The following PKP4 variants were observed in gnomAD, a reference collection of about 807,000 sequenced individuals.
PKP4 encodes the protein plakophilin-4.
Under a neutral mutation model 145.1 loss-of-function variants are expected in PKP4, and 90 were observed. That is an observed-to-expected ratio of 0.62 (90% CI 0.52 to 0.74). PKP4 has a LOEUF of 0.74. PKP4 is among the 30% of genes least tolerant of loss of function. The pLI, the probability that PKP4 is intolerant of heterozygous loss-of-function variation, is 0.00. For synonymous variants in PKP4, 563 were observed against 577.2 expected, an observed-to-expected ratio of 0.98 and a Z score of 0.35; for missense variants, 1,340 against 1,482.7, an observed-to-expected ratio of 0.90 and a Z score of 1.58.
In PKP4 at chr2:158,625,077, CTG is replaced by C; in HGVS notation, c.804_805del (p.Ala269ThrfsTer91). On this transcript the variant is annotated frameshift_variant, in exon 7 of 22. Transcript: ENST00000389759. LOFTEE classifies it high-confidence loss of function. ...GCATATTCCTCCACCACATTACCTGCTGCACGGGCAGCCTCTCCGTACTCACA... is the reference window on the plus strand; with the variant it reads ...GCATATTCCTCCACCACATTACCTGCCACGGGCAGCCTCTCCGTACTCACA... 6.2e-7 allele frequency: 1 copy of C among 1,614,188 alleles called. No homozygotes were observed. The highest frequency in any genetic ancestry group is 8.5e-7 in the Non-Finnish European group (1 of 1,180,026).
chr2:158,663,080 G>C lies in PKP4; in HGVS notation c.2395G>C (p.Glu799Gln), dbSNP rs1218332037. ...GAAAAAGAAAAAGAGGACTCCGCAAGAAGATCAAGTTAGCATTTTATTTTA... is the reference window on the plus strand; with the variant it reads ...GAAAAAGAAAAAGAGGACTCCGCAACAAGATCAAGTTAGCATTTTATTTTA... The part of the protein sequence containing the change: ...KKKKKKRTPQ[E>Q]DQWDGVGPIP... Residue 799 changes from glutamate (E) to glutamine (Q), a missense_variant, in exon 14 of 22, where the codon GAA becomes CAA. Coordinates refer to ENST00000389759, the MANE Select transcript of PKP4 (RefSeq NM_003628.6). 6.2e-7 allele frequency: 1 copy of C among 1,604,524 alleles called. No homozygotes were observed. Among genetic ancestry groups the C allele is most frequent in the Non-Finnish European group, 8.5e-7 (1 of 1,176,078 alleles).
At chr2:158,529,778 C>A (rs1332080345) in intron 1 of PKP4, among the ~76,000 whole-genome samples, 1 of 152,080 alleles carries the variant, frequency 6.6e-6, no homozygotes, top group Non-Finnish European at 1.5e-5. Context: ...GTATTTATTC[C>A]CGTTGTTTTT....
At chr2:158,613,624 C>T (rs2051329109) in intron 4 of PKP4, among the ~76,000 whole-genome samples, 1 of 152,158 alleles carries the variant, frequency 6.6e-6, no homozygotes, top group South Asian at 2.1e-4. Flanking sequence ...TTGCATTGTA[C>T]AACCAAGGCT....
At chr2:158,609,895 C>A (rs2050982204) in intron 4 of PKP4, among the ~76,000 whole-genome samples, 1 of 152,102 alleles carries the variant, frequency 6.6e-6, no homozygotes, top group Admixed American at 6.6e-5. Flanking sequence ...AAACAAAAAG[C>A]CCAAGTTTCT....
intron 2 of PKP4, among the ~76,000 whole-genome samples, chr2:158,551,878 A>G (rs1451340706): frequency 1.3e-5 from 2 of 152,238 alleles, no homozygotes; most frequent in East Asian, 3.8e-4. Flanking sequence ...ACTTTTTTAT[A>G]GACAGGATAG....
chr2:158,485,914 G>A (rs990213556), intron 1 of PKP4, among the ~76,000 whole-genome samples: 2 of 152,140 alleles, frequency 1.3e-5, no homozygotes, highest in East Asian at 3.8e-4. Flanking sequence ...TATGTTTACA[G>A]TAAATTGTTA....
Position 158,663,298 on chromosome 2 carries a change from AC to A in PKP4, c.2431del (p.Leu811CysfsTer17), listed in dbSNP as rs1444726596. 6.2e-7 allele frequency: 1 copy of A among 1,613,780 alleles called. No individual in the cohort carries two copies. The highest frequency in any genetic ancestry group is 8.5e-7 in the Non-Finnish European group (1 of 1,179,968). ...GGGATGGAGTTGGTCCTATCCCAGG[AC>A]TGTCGAAGTCCCCCAAAGGGGTTGA... ...QWDGVGPIPG[L>X]SKSPKGVEML... is the part of the protein sequence containing the mutation. On this transcript the variant is annotated frameshift_variant, in exon 15 of 22. Coordinates refer to ENST00000389759, the MANE Select transcript of PKP4 (RefSeq NM_003628.6). LOFTEE classifies it high-confidence loss of function.
chr2:158,520,660 C>T (rs890585115), intron 1 of PKP4, among the ~76,000 whole-genome samples: 1 of 152,194 alleles, frequency 6.6e-6, no homozygotes, highest in Non-Finnish European at 1.5e-5. Flanking sequence ...CCGCCCATGT[C>T]GGGCTAGCAC....
chr2:158,591,380 A>G (rs1379957377), intron 3 of PKP4, among the ~76,000 whole-genome samples: 1 of 152,084 alleles, frequency 6.6e-6, no homozygotes, highest in East Asian at 1.9e-4. Flanking sequence ...CATTTCAAGT[A>G]TTTATTACTG....
intron 2 of PKP4, among the ~76,000 whole-genome samples, chr2:158,540,214 G>A (rs1367793779): frequency 2.0e-5 from 3 of 152,032 alleles, no homozygotes; most frequent in Admixed American, 1.3e-4. Flanking sequence ...TGATTTCATC[G>A]GAAGCATCAT....
At chr2:158,457,516 A>G (rs181014641) in intron 1 of PKP4, 1 of 152,180 alleles carries the variant, frequency 6.6e-6, no homozygotes, top group Non-Finnish European at 1.5e-5. Context: ...ACCTCTGCCC[A>G]CGCTGGGCTG....
intron 1 of PKP4, among the ~76,000 whole-genome samples, chr2:158,466,645 C>T (rs959246276): frequency 6.6e-6 from 1 of 152,156 alleles, no homozygotes; most frequent in African/African-American, 2.4e-5. Context: ...GCAGAGGTTG[C>T]AGTGGGCAGA....
At chr2:158,479,198 A>G (rs1692963338) in intron 1 of PKP4, among the ~76,000 whole-genome samples, 2 of 151,982 alleles carry the variant, frequency 1.3e-5, no homozygotes, top group Non-Finnish European at 1.5e-5. Context: ...TAAATTCAGC[A>G]TTTAATTTTT....
At chr2:158,541,225 G>C (rs529175021) in intron 2 of PKP4, among the ~76,000 whole-genome samples, 2 of 151,932 alleles carry the variant, frequency 1.3e-5, no homozygotes, top group Non-Finnish European at 2.9e-5. Context: ...CATGTTTAAG[G>C]GCTCCCAATT....
intron 16 of PKP4, among the ~76,000 whole-genome samples, chr2:158,668,678 C>T (rs1389743702): frequency 1.3e-5 from 2 of 152,252 alleles, no homozygotes; most frequent in Non-Finnish European, 1.5e-5. Flanking sequence ...CCACATTTAT[C>T]TTGTGGCCTT....
intron 21 of PKP4, 111 bp downstream of exon 21, chr2:158,678,765 T>G: frequency 1.3e-6 from 1 of 769,710 alleles, no homozygotes; most frequent in Non-Finnish European, 2.3e-6. Context: ...TCCTAGATGC[T>G]TTCCCTGGGG....
intron 1 of PKP4, among the ~76,000 whole-genome samples, chr2:158,484,796 T>C (rs1156452078): frequency 6.6e-6 from 1 of 152,234 alleles, no homozygotes; most frequent in African/African-American, 2.4e-5. Context: ...AATAGAAGAT[T>C]GCATGGTTCT....
intron 2 of PKP4, among the ~76,000 whole-genome samples, chr2:158,541,176 G>A (rs1384293819): frequency 1.3e-5 from 2 of 152,046 alleles, no homozygotes; most frequent in Admixed American, 6.6e-5. Context: ...AAGTTATTCC[G>A]TAGCTATTGC....
chr2:158,500,118 G>C (rs1263888538), intron 1 of PKP4, among the ~76,000 whole-genome samples: 17 of 152,156 alleles, frequency 1.1e-4, no homozygotes, highest in African/African-American at 4.1e-4. Context: ...AATAATCAAG[G>C]CAGGTTAATC....
Sources: allele counts gnomAD v4.1 joint callset (sites outside exome capture counted in the v4.1 genomes callset), GRCh38; gene constraint gnomAD v4.1.1; transcripts MANE v1.5; gene names NCBI Gene and HGNC (gene_info 2026-07-23, HGNC 2026-07-21).